Variants in GRAMD1B observed in about 807,000 individuals in gnomAD.
GRAMD1B encodes the protein GRAM domain containing 1B.
A neutral mutation model predicts 99.7 loss-of-function variants in GRAMD1B; 37 were observed. The observed-to-expected ratio is 0.37, with a 90% confidence interval of 0.29 to 0.49. GRAMD1B has a LOEUF of 0.49. Among genes scored for constraint, GRAMD1B ranks in the 20% least tolerant of loss-of-function variants. GRAMD1B has a pLI of 0.98. For synonymous variants in GRAMD1B, 427 were observed against 387.6 expected (o/e 1.10, Z -1.19); for missense variants, 888 against 1,009.2 (o/e 0.88, Z 1.63).
chr11:123,418,205 T>A (rs1672411699), intron 1 of GRAMD1B, among the ~76,000 whole-genome samples: 1 of 152,188 alleles, frequency 6.6e-6, no homozygotes, highest in African/African-American at 2.4e-5. Flanking sequence ...CTTGCAGACA[T>A]CCTTCAAACG....
chr11:123,591,564 C>T lies in GRAMD1B; in HGVS notation c.685-2518C>T, dbSNP rs1215632399. On this transcript the variant is annotated intron_variant, in intron 4 of 19. Transcript: ENST00000635736. The surrounding 1 kb of genome is among the most constrained non-coding windows in gnomAD (Gnocchi z 4.7). The stretch of plus-strand genomic sequence containing the variant: ...GCCGTGAGTGTGTGACTCAGTTTCT[C>T]TGAGTCTCTGTGGTAGTTCTGCACC... The T allele has an allele frequency of 5.0e-6, 2 of 398,628 alleles. No homozygotes were observed. Among genetic ancestry groups the T allele is most frequent in the African/African-American group, 4.1e-5 (2 of 48,610 alleles). 24.7% of individuals were successfully genotyped at this position (398,628 alleles called of 1,614,324 possible).
Position 123,368,081 on chromosome 11 carries a change from C to T in GRAMD1B, c.-176+9282C>T, listed in dbSNP as rs552166166. On this transcript the variant is annotated intron_variant, in intron 1 of 20. Coordinates refer to the GRAMD1B transcript ENST00000638157. Reference sequence around the variant, plus strand: ...CCAGCCTGGCTAACATGGTGAGACCCTGTCTCTACTAAAAATACAAAAATT... The same window carrying T: ...CCAGCCTGGCTAACATGGTGAGACCTTGTCTCTACTAAAAATACAAAAATT... Among the ~76,000 whole-genome samples, 97 of 151,652 alleles carry T rather than the reference C, an allele frequency of 6.4e-4. 4 individuals are homozygous for T. In the South Asian group the frequency reaches 8.4e-3, roughly 13 times the overall value.
chr11:123,613,603 C>T lies in GRAMD1B; in HGVS notation c.2172C>T (p.Ser724=). ...LRVPHLEEVM[S]PVTTPTDEDV... ...TCCCTCACCTGGAAGAGGTGATGAG[C>T]CCGGTCACCACGCCCACAGATGAGG... Residue 724 remains serine (S), a synonymous_variant, in exon 16 of 20, where the codon AGC becomes AGT. Transcript: ENST00000635736. 6.2e-7 allele frequency: 1 copy of T among 1,613,898 alleles called. No homozygotes were observed. Among genetic ancestry groups the T allele is most frequent in the Non-Finnish European group, 8.5e-7 (1 of 1,179,840 alleles).
chr11:123,498,169 C>T (rs1485744869), intron 2 of GRAMD1B, among the ~76,000 whole-genome samples: 1 of 152,212 alleles, frequency 6.6e-6, no homozygotes, highest in Non-Finnish European at 1.5e-5. Flanking sequence ...TCCAGAAATG[C>T]TGACCACGAG....
intron 7 of GRAMD1B, among the ~76,000 whole-genome samples, 189 bp downstream of exon 7, chr11:123,596,226 A>G (rs904146891): frequency 1.3e-5 from 2 of 152,218 alleles, no homozygotes; most frequent in African/African-American, 4.8e-5. Flanking sequence ...GCGGGAGGAT[A>G]GAGTGGCCAA....
rs929351943 is a variant in GRAMD1B, at chr11:123,619,016, G to A, written c.2427-91G>A. The A allele has an allele frequency of 4.0e-6, 3 of 746,476 alleles. No homozygotes were observed. In the African/African-American group the frequency reaches 5.2e-5, roughly 13 times the overall value. 46.2% of individuals were successfully genotyped at this position (746,476 alleles called of 1,614,324 possible). On this transcript the variant is annotated intron_variant, in intron 18 of 19. Transcript: ENST00000635736. ...TGAGCAGAGGACAAAGCACTCTGAT[G>A]TGACTCTCTGTCCTTTAGGGGTCTG...
intron 1 of GRAMD1B, among the ~76,000 whole-genome samples, chr11:123,379,348 A>G (rs1946795731): frequency 2.6e-5 from 4 of 152,122 alleles, no homozygotes; most frequent in Admixed American, 2.6e-4. Flanking sequence ...AAGGCAGGCC[A>G]TTGGATTGTA....
intron 8 of GRAMD1B, among the ~76,000 whole-genome samples, chr11:123,602,619 G>T (rs1262537949): frequency 3.9e-5 from 6 of 151,980 alleles, no homozygotes; most frequent in Admixed American, 6.6e-5. Flanking sequence ...CCCAGTCTGA[G>T]ACTCATTCAT....
intron 2 of GRAMD1B, among the ~76,000 whole-genome samples, chr11:123,521,963 C>CT (rs200753879): frequency 0.017 from 2,554 of 151,680 alleles, 57 homozygotes; most frequent in South Asian, 0.093. Context: ...AAAATAATTT[C>CT]TTTTTTTTTC....
rs542952030 is a variant in GRAMD1B at position 123,406,014 on chromosome 11, T to C, written c.-176+47215T>C. ...GTCACAGTCAAAAACTGAACATTAT[T>C]CCTTTTTTTTTTTTTTTTGAGACAG... On this transcript the variant is annotated intron_variant, in intron 1 of 20. Coordinates refer to the GRAMD1B transcript ENST00000638157. Among the ~76,000 whole-genome samples the C allele has an allele frequency of 1.9e-4, 28 of 145,384 alleles. No homozygotes were observed. The South Asian group carries it at 5.5e-3, about 28-fold the overall frequency.
At chr11:123,368,679 C>CAAAAAAAAAAAAAA (rs58877377) in intron 1 of GRAMD1B, among the ~76,000 whole-genome samples, 1 of 78,024 alleles carries the variant, frequency 1.3e-5, no homozygotes, top group Non-Finnish European at 2.2e-5. Flanking sequence ...GACTCTGTCT[C>CAAAAAAAAAAAAAA]AAAAAAAAAA....
chr11:123,515,568 T>C (rs762896891), intron 2 of GRAMD1B, among the ~76,000 whole-genome samples: 2 of 152,146 alleles, frequency 1.3e-5, no homozygotes, highest in African/African-American at 2.4e-5. Context: ...ACGGAGAGCC[T>C]TCTTCATAGG....
intron 4 of GRAMD1B, among the ~76,000 whole-genome samples, chr11:123,586,833 C>T (rs550542147): frequency 6.6e-6 from 1 of 152,364 alleles, no homozygotes; most frequent in Admixed American, 6.5e-5. Flanking sequence ...GCTGACTGTC[C>T]CTCTATAACC....
intron 8 of GRAMD1B, among the ~76,000 whole-genome samples, chr11:123,601,718 C>T (rs1035542885): frequency 2.0e-5 from 3 of 152,214 alleles, no homozygotes; most frequent in Non-Finnish European, 2.9e-5. Context: ...GGTCCTCTGC[C>T]TTCACTTGCC....
In GRAMD1B at chr11:123,592,247, G is replaced by T. The variant is rs78044258; in HGVS notation, c.685-1835G>T. The stretch of plus-strand genomic sequence containing the variant: ...AGGTAAATATCTCATTCTCAAGGGA[G>T]TGTGCTCTTTTGGGGAAGCCCTTCT... On this transcript the variant is annotated intron_variant, in intron 4 of 19. Coordinates refer to ENST00000635736, the MANE Select transcript of GRAMD1B (RefSeq NM_001387025.1). Among the ~76,000 whole-genome samples the T allele has an allele frequency of 1.1e-4, 17 of 152,316 alleles. No homozygotes were observed. The East Asian group carries it at 2.3e-3, about 21-fold the overall frequency.
At chr11:123,414,489 TTA>T (rs1948161119) in intron 1 of GRAMD1B, among the ~76,000 whole-genome samples, 1 of 152,216 alleles carries the variant, frequency 6.6e-6, no homozygotes, top group African/African-American at 2.4e-5. Context: ...ACCAGTATTA[TTA>T]TGTTTTTATA....
intron 1 of GRAMD1B, among the ~76,000 whole-genome samples, chr11:123,478,182 A>AT (rs1227548151): frequency 6.7e-5 from 10 of 148,178 alleles, no homozygotes; most frequent in South Asian, 2.1e-4. Context: ...TGCCTGGCTA[A>AT]TTTTTTTTTT....
chr11:123,614,386 C>G (rs1592286710), intron 16 of GRAMD1B, among the ~76,000 whole-genome samples: 1 of 152,220 alleles, frequency 6.6e-6, no homozygotes, highest in African/African-American at 2.4e-5. Context: ...TGTCCTCCAT[C>G]ATGTAGCTTA....
intron 1 of GRAMD1B, among the ~76,000 whole-genome samples, chr11:123,399,251 A>G (rs907426593): frequency 1.3e-5 from 2 of 152,220 alleles, no homozygotes; most frequent in Non-Finnish European, 2.9e-5. Context: ...ATGTTGTCCC[A>G]AGTGATAGTA....
Sources: allele counts gnomAD v4.1 joint callset (sites outside exome capture counted in the v4.1 genomes callset), GRCh38; gene constraint gnomAD v4.1.1; non-coding constraint Gnocchi (gnomAD v3.1); transcripts MANE v1.5; gene names NCBI Gene and HGNC (gene_info 2026-07-23, HGNC 2026-07-21).